SYNE3: variants seen among roughly 807,000 people sequenced by gnomAD.
SYNE3 encodes the protein nesprin-3.
A neutral mutation model predicts 111.2 loss-of-function variants in SYNE3; 100 were observed. The observed-to-expected ratio is 0.90, with a 90% confidence interval of 0.77 to 1.06. The LOEUF is 1.06. Ranked by LOEUF, SYNE3 falls within the 50% of genes least tolerant of loss-of-function variation. SYNE3 has a pLI of 0.00. For missense variants in SYNE3, 1,160 were observed against 1,240.3 expected, an observed-to-expected ratio of 0.94 and a Z score of 0.97; for synonymous variants, 547 against 533.9, an observed-to-expected ratio of 1.02 and a Z score of -0.34.
At chr14:95,509,142 C>T (rs909636764) in intron 1 of SYNE3, among the ~76,000 whole-genome samples, 5 of 152,164 alleles carry the variant, frequency 3.3e-5, no homozygotes, top group Non-Finnish European at 1.5e-5. Flanking sequence ...CAAAGTGCAA[C>T]GGGAACAGGG....
chr14:95,447,700 T>C (rs543325504), intron 8 of SYNE3, among the ~76,000 whole-genome samples: 1 of 152,310 alleles, frequency 6.6e-6, no homozygotes, highest in South Asian at 2.1e-4. Flanking sequence ...CAGTCACCTT[T>C]ACCCCCTTTT....
At chr14:95,425,882 A>G (rs1337945819) in intron 17 of SYNE3, among the ~76,000 whole-genome samples, 3 of 152,268 alleles carry the variant, frequency 2.0e-5, no homozygotes, top group Non-Finnish European at 4.4e-5. Flanking sequence ...TGACCTAGAT[A>G]GCTGGCAAAC....
Position 95,444,939 on chromosome 14 carries a change from T to C in SYNE3, c.1633-311A>G, listed in dbSNP as rs972188559. ...ATAAAGTTTTATAGGAACCCAGCCA[T>C]GCCCATACATTTATAGCTGCAGTGG... On this transcript the variant is annotated intron_variant, in intron 9 of 17. Coordinates refer to ENST00000682763, the MANE Select transcript of SYNE3 (RefSeq NM_152592.6). 2.6e-5 allele frequency among the ~76,000 whole-genome samples: 4 copies of C among 152,348 alleles called. No homozygotes were observed. In the South Asian group the frequency reaches 8.3e-4, roughly 32 times the overall value.
intron 1 of SYNE3, among the ~76,000 whole-genome samples, 177 bp downstream of exon 1, chr14:95,516,419 C>A (rs1463832209): frequency 1.3e-5 from 2 of 152,072 alleles, no homozygotes; most frequent in East Asian, 3.8e-4. Flanking sequence ...CCGCAGCTGT[C>A]ACGCCGGGGC....
chr14:95,443,615 C>A (rs1034421821), intron 10 of SYNE3: 2 of 267,212 alleles, frequency 7.5e-6, no homozygotes, highest in African/African-American at 4.4e-5. Flanking sequence ...GGAAACACGT[C>A]CCAATTTTAG....
chr14:95,502,272 C>A (rs368830657), intron 1 of SYNE3, among the ~76,000 whole-genome samples: 69 of 146,172 alleles, frequency 4.7e-4, no homozygotes, highest in African/African-American at 1.7e-3. Context: ...ACCCCCCACC[C>A]CCACCCCCAC....
At chr14:95,466,346 G>A in intron 3 of SYNE3, 106 bp from the exon 4 acceptor site, 2 of 1,341,942 alleles carry the variant, frequency 1.5e-6, no homozygotes, top group South Asian at 1.5e-5. Flanking sequence ...CTGTGGTCTG[G>A]GGGCATGATG....
intron 17 of SYNE3, among the ~76,000 whole-genome samples, chr14:95,431,652 C>T (rs1885769399): frequency 6.6e-6 from 1 of 152,236 alleles, no homozygotes; most frequent in South Asian, 2.1e-4. Flanking sequence ...CCTGTCCCTA[C>T]CGAGCCCCAT....
rs1886503715 is a variant in SYNE3, at chr14:95,443,189, G to A, written c.1877C>T (p.Ser626Phe). The A allele has an allele frequency of 6.2e-7, 1 of 1,614,136 alleles. No individual in the cohort carries two copies. Among genetic ancestry groups the A allele is most frequent in the Non-Finnish European group, 8.5e-7 (1 of 1,179,994 alleles). The change falls in exon 11 of 18, where the codon TCC becomes TTC. Residue 626 changes from serine (S) to phenylalanine (F), a missense_variant. Ser to Phe is a radical substitution (Grantham distance 155). Coordinates refer to ENST00000682763, the MANE Select transcript of SYNE3 (RefSeq NM_152592.6). The part of the protein sequence containing the change: ...PNHQHKMDQL[S>F]SDFQALQRSL... Reference sequence around the variant, plus strand: ...CCTCTGCAGGGCCTGGAAGTCGGAGGAAAGCTGGTCCATTTTGTGCTGGTG... The same window carrying A: ...CCTCTGCAGGGCCTGGAAGTCGGAGAAAAGCTGGTCCATTTTGTGCTGGTG...
In SYNE3 at chr14:95,440,046, C is replaced by T; in HGVS notation, c.1941G>A (p.Val647=). 1 of 1,607,752 alleles carries T rather than the reference C, an allele frequency of 6.2e-7. No individual in the cohort carries two copies. The highest frequency in any genetic ancestry group is 8.5e-7 in the Non-Finnish European group (1 of 1,179,844). The change falls in exon 12 of 18, where the codon GTG becomes GTA. Residue 647 remains valine (V), a synonymous_variant. Coordinates refer to ENST00000682763, the MANE Select transcript of SYNE3 (RefSeq NM_152592.6). ...GGTGGCTGAAGGTGCAGTGCTCCTG[C>T]ACACTCTGCCGACACCTGTCCACAA... ...EDLVDRCRQS[V]QEHCTFSHQL...
In SYNE3 at chr14:95,455,380, G is replaced by C; in HGVS notation, c.1134C>G (p.Tyr378Ter). 6.5e-7 allele frequency: 1 copy of C among 1,532,456 alleles called. No homozygotes were observed. Among genetic ancestry groups the C allele is most frequent in the South Asian group, 1.3e-5 (1 of 78,200 alleles). The allele number at this position is 1,532,456 out of a possible 1,614,324, so 94.9% of individuals were successfully genotyped here. Residue 378 changes from tyrosine to a stop codon, truncating the protein, a stop_gained, in exon 6 of 18, where the codon TAC (tyrosine) becomes TAG (stop). Coordinates refer to ENST00000682763, the MANE Select transcript of SYNE3 (RefSeq NM_152592.6). LOFTEE classifies it high-confidence loss of function. ...TGACTCGGCCAAGCACGCTTACCGA[G>C]TAGCGTCTCCAGTGTGCCACCAGCT... Reference protein sequence around the residue: ...EDELVAHWRRYSATRAALASE... With the variant: ...EDELVAHWRR
intron 1 of SYNE3, among the ~76,000 whole-genome samples, chr14:95,497,794 G>T (rs190072683): frequency 1.2e-3 from 182 of 152,216 alleles, no homozygotes; most frequent in Middle Eastern, 3.4e-3. Context: ...AAAACAGGTG[G>T]CATTTGACCA....
chr14:95,430,506 G>A (rs12878625), intron 17 of SYNE3, among the ~76,000 whole-genome samples: 32,883 of 152,158 alleles, frequency 0.22, 4,701 homozygotes, highest in African/African-American at 0.4. Context: ...ATAAGTTCAT[G>A]AAGTAAATAA....
chr14:95,499,537 T>A (rs1441782033), intron 1 of SYNE3, among the ~76,000 whole-genome samples: 2 of 152,124 alleles, frequency 1.3e-5, no homozygotes, highest in Non-Finnish European at 2.9e-5. Context: ...CCTTCCAGGA[T>A]TTTTCATAGT....
In SYNE3 at chr14:95,444,542, G is replaced by T; in HGVS notation, c.1719C>A (p.Ala573=). The T allele has an allele frequency of 6.2e-7, 1 of 1,613,634 alleles. No individual in the cohort carries two copies. Residue 573 remains alanine, a synonymous_variant, in exon 10 of 18, where the codon GCC becomes GCA. Coordinates refer to ENST00000682763, the MANE Select transcript of SYNE3 (RefSeq NM_152592.6). ...GAAGGTCCCGCTGAAGCCCCTTCTC[G>T]GCTTGGACCCTGACCTGGAGGTCCA... ...KLLDLQVRVQ[A]EKGLQRDLPG...
intron 1 of SYNE3, among the ~76,000 whole-genome samples, chr14:95,515,826 C>A (rs1440429581): frequency 1.3e-5 from 2 of 152,238 alleles, no homozygotes; most frequent in Non-Finnish European, 2.9e-5. Context: ...CCCGCCCAGG[C>A]TGGAGGCCCC....
intron 8 of SYNE3, 34 bp downstream of exon 8, chr14:95,449,897 C>T (rs1487566683): frequency 1.9e-6 from 3 of 1,543,704 alleles, no homozygotes; most frequent in South Asian, 2.4e-5. Flanking sequence ...AGTGGCCCAC[C>T]CCAGCCCCAC....
intron 4 of SYNE3, among the ~76,000 whole-genome samples, 193 bp downstream of exon 4, chr14:95,465,738 G>A (rs1269121533): frequency 6.6e-6 from 1 of 152,084 alleles, no homozygotes; most frequent in Non-Finnish European, 1.5e-5. Flanking sequence ...GGAGGTAGAT[G>A]GGTGAGTAGG....
intron 4 of SYNE3, among the ~76,000 whole-genome samples, chr14:95,461,527 A>G (rs562579505): frequency 6.6e-6 from 1 of 152,238 alleles, no homozygotes; most frequent in South Asian, 2.1e-4. Flanking sequence ...TTCAGGGAGG[A>G]CCCCATGGTG....
Sources: gnomAD v4.1 joint callset for allele counts (sites outside exome capture counted in the v4.1 genomes callset) on GRCh38, gnomAD v4.1.1 for gene constraint, MANE v1.5 for transcripts, NCBI Gene and HGNC (gene_info 2026-07-23, HGNC 2026-07-21) for gene names.